The following PITPNC1 variants were observed in gnomAD, a reference collection of about 807,000 sequenced individuals.
PITPNC1 encodes the protein cytoplasmic phosphatidylinositol transfer protein 1.
In PITPNC1, 18 loss-of-function variants were observed where a neutral mutation model predicts 44.7. The ratio of observed to expected loss-of-function variants is 0.40; its 90% CI spans 0.28 to 0.60. The LOEUF is 0.60. Among genes scored for constraint, PITPNC1 ranks in the 20% least tolerant of loss-of-function variants. PITPNC1 has a pLI of 0.39. For missense variants in PITPNC1, 290 were observed against 418.4 expected, an observed-to-expected ratio of 0.69 and a Z score of 2.68; for synonymous variants, 141 against 149.6, an observed-to-expected ratio of 0.94 and a Z score of 0.42.
At chr17:67,497,245 C>T (rs1417852906) in intron 1 of PITPNC1, among the ~76,000 whole-genome samples, 14 of 148,176 alleles carry the variant, frequency 9.4e-5, no homozygotes, top group African/African-American at 3.3e-4. Context: ...TTTGAGACGG[C>T]GTCTCATTCA....
At chr17:67,652,579 A>C (rs190044685) in intron 6 of PITPNC1, among the ~76,000 whole-genome samples, 1 of 152,324 alleles carries the variant, frequency 6.6e-6, no homozygotes, top group Admixed American at 6.5e-5. Context: ...GGAGCCAGAG[A>C]TCTCATTGTG....
At chr17:67,550,933 C>T (rs972357030) in intron 2 of PITPNC1, among the ~76,000 whole-genome samples, 3 of 152,008 alleles carry the variant, frequency 2.0e-5, no homozygotes, top group Non-Finnish European at 2.9e-5. Context: ...TGGTGGCTGG[C>T]GCCTGTAGTC....
At chr17:67,406,010 A>G (rs530577158) in intron 1 of PITPNC1, among the ~76,000 whole-genome samples, 1 of 152,202 alleles carries the variant, frequency 6.6e-6, no homozygotes, top group East Asian at 1.9e-4. Flanking sequence ...TTTCCTAGTA[A>G]CTTTTCAAAG....
chr17:67,378,174 G>A lies in PITPNC1; in HGVS notation c.20G>A (p.Arg7Gln). MLLKEY[R>Q]ICMPLTVDEY... ...AGGACCATGCTGCTGAAAGAGTACC[G>A]GATCTGCATGCCGCTCACCGTAGAC... Residue 7 changes from arginine to glutamine, a missense_variant, in exon 1 of 9, where the codon CGG becomes CAG. By Grantham distance (43) the Arg-to-Gln change is conservative. Transcript: ENST00000581322. 1 of 1,548,378 alleles carries A rather than the reference G, an allele frequency of 6.5e-7. No homozygotes were observed. Among genetic ancestry groups the A allele is most frequent in the Non-Finnish European group, 8.7e-7 (1 of 1,151,478 alleles).
rs2042585981 is a variant in PITPNC1 at position 67,675,551 on chromosome 17, A to G, written c.682+9A>G. On this transcript the variant is annotated intron_variant, in intron 8 of 8. Coordinates refer to ENST00000581322, the MANE Select transcript of PITPNC1 (RefSeq NM_012417.4). ...GGTTGATGAGTGGTATGGTAAGTCA[A>G]TTTCTCCAAAATAACTTGTAGAACA... 6.4e-7 allele frequency: 1 copy of G among 1,573,432 alleles called. No individual in the cohort carries two copies. The highest frequency in any genetic ancestry group is 1.7e-5 in the Admixed American group (1 of 59,954).
At chr17:67,586,791 T>A (rs1302163484) in intron 5 of PITPNC1, among the ~76,000 whole-genome samples, 1 of 152,106 alleles carries the variant, frequency 6.6e-6, no homozygotes, top group Non-Finnish European at 1.5e-5. Context: ...ATTACATTGG[T>A]TGATTTATGT....
At chr17:67,437,643 C>T (rs2038955473) in intron 1 of PITPNC1, among the ~76,000 whole-genome samples, 2 of 152,096 alleles carry the variant, frequency 1.3e-5, no homozygotes, top group Non-Finnish European at 2.9e-5. Flanking sequence ...TGAGAGAGGC[C>T]TCATCAGGAA....
At chr17:67,443,499 C>G (rs778446803) in intron 1 of PITPNC1, among the ~76,000 whole-genome samples, 9 of 151,688 alleles carry the variant, frequency 5.9e-5, no homozygotes, top group Non-Finnish European at 1.3e-4. Flanking sequence ...CTCCTTGAGG[C>G]GAGCAACCGG....
rs1270860542 is a variant in PITPNC1 at position 67,417,901 on chromosome 17, G to A, written c.48+39699G>A. ...CTACAAAAAATAAAAAAAATTAGCTGGGAGTGGTGGCACACATCTGTAGTC... is the reference window on the plus strand; with the variant it reads ...CTACAAAAAATAAAAAAAATTAGCTAGGAGTGGTGGCACACATCTGTAGTC... On this transcript the variant is annotated intron_variant, in intron 1 of 8. Transcript: ENST00000581322. Among the ~76,000 whole-genome samples, 3 of 152,202 alleles carry A rather than the reference G, an allele frequency of 2.0e-5. No individual in the cohort carries two copies. The East Asian group carries it at 5.8e-4, about 29-fold the overall frequency.
chr17:67,563,148 A>G (rs1412796314), intron 4 of PITPNC1, among the ~76,000 whole-genome samples: 1 of 152,216 alleles, frequency 6.6e-6, no homozygotes, highest in African/African-American at 2.4e-5. Context: ...AGTTTTATTA[A>G]TGATCCCATC....
intron 5 of PITPNC1, among the ~76,000 whole-genome samples, chr17:67,604,714 C>T (rs1240450339): frequency 6.6e-6 from 1 of 152,116 alleles, no homozygotes; most frequent in African/African-American, 2.4e-5. Context: ...ACCCAGGAGG[C>T]GGAGGTTGCA....
chr17:67,537,748 G>A (rs544292365), intron 2 of PITPNC1, among the ~76,000 whole-genome samples: 3 of 152,100 alleles, frequency 2.0e-5, no homozygotes, highest in Middle Eastern at 3.4e-3. Context: ...CGAGGTGGGC[G>A]ATCATGAGGT....
At chr17:67,484,586 G>T (rs1598730283) in intron 1 of PITPNC1, among the ~76,000 whole-genome samples, 1 of 152,164 alleles carries the variant, frequency 6.6e-6, no homozygotes, top group Admixed American at 6.5e-5. Context: ...TTTGCCAGTT[G>T]GTCTGGACCT....
intron 4 of PITPNC1, among the ~76,000 whole-genome samples, chr17:67,563,796 C>G (rs569338793): frequency 2.4e-4 from 36 of 152,298 alleles, no homozygotes; most frequent in Non-Finnish European, 4.4e-4. Context: ...AGATTTGCAA[C>G]TCCTCTGTCT....
rs934746865 is a variant in PITPNC1, at chr17:67,455,025, T to C, written c.48+76823T>C. On this transcript the variant is annotated intron_variant, in intron 1 of 8. Transcript: ENST00000581322. The stretch of plus-strand genomic sequence containing the variant: ...TTGTAGAGATGGGGTCTTGCTATGT[T>C]GCCCAGGCTGGTCTTGAACTCCTGA... 2.0e-5 allele frequency among the ~76,000 whole-genome samples: 3 copies of C among 152,152 alleles called. No homozygotes were observed. The East Asian group carries it at 5.8e-4, about 29-fold the overall frequency.
Position 67,692,604 on chromosome 17 carries a change from C to T in PITPNC1, c.715C>T (p.Arg239Ter). 3 of 1,613,392 alleles carry T rather than the reference C, an allele frequency of 1.9e-6. No homozygotes were observed. Among genetic ancestry groups the T allele is most frequent in the Non-Finnish European group, 1.7e-6 (2 of 1,179,472 alleles). ...MTMDEVREFE[R>*]ATQEATNKKI... ...AATGGATGAAGTCCGAGAATTTGAA[C>T]GAGCCACTCAGGAAGCCACCAACAA... Residue 239 changes from arginine (R) to a stop codon, truncating the protein, a stop_gained, in exon 9 of 9, where the codon CGA becomes TGA. Coordinates refer to ENST00000581322, the MANE Select transcript of PITPNC1 (RefSeq NM_012417.4). LOFTEE classifies it high-confidence loss of function.
At chr17:67,557,499 A>G (rs1174048378) in intron 4 of PITPNC1, among the ~76,000 whole-genome samples, 1 of 152,178 alleles carries the variant, frequency 6.6e-6, no homozygotes, top group East Asian at 1.9e-4. Flanking sequence ...ATTCTCTGTG[A>G]GGAGGTCACA....
intron 1 of PITPNC1, among the ~76,000 whole-genome samples, chr17:67,410,037 G>A (rs2038470172): frequency 6.6e-6 from 1 of 152,172 alleles, no homozygotes; most frequent in African/African-American, 2.4e-5. Flanking sequence ...GTGTGTGCAT[G>A]TGTTCTCCAA....
intron 8 of PITPNC1, among the ~76,000 whole-genome samples, chr17:67,689,600 GA>G (rs1225665008): frequency 6.6e-6 from 1 of 152,186 alleles, no homozygotes; most frequent in Non-Finnish European, 1.5e-5. Flanking sequence ...AAATTAGATT[GA>G]AATTAGGCAA....
Sources: allele counts gnomAD v4.1 joint callset (sites outside exome capture counted in the v4.1 genomes callset), GRCh38; gene constraint gnomAD v4.1.1; transcripts MANE v1.5; gene names NCBI Gene and HGNC (gene_info 2026-07-23, HGNC 2026-07-21).